Variants in SI observed in about 807,000 individuals in gnomAD.
SI encodes the protein sucrase-isomaltase, intestinal.
Under a neutral mutation model 253.3 loss-of-function variants are expected in SI, and 235 were observed. The ratio of observed to expected loss-of-function variants is 0.93; its 90% CI spans 0.83 to 1.03. SI has a LOEUF of 1.03. Ranked by LOEUF, SI falls within the 50% of genes least tolerant of loss-of-function variation. SI has a pLI of 0.00. For missense variants in SI, 2,442 were observed against 2,211.1 expected (o/e 1.10, Z -2.09); for synonymous variants, 819 against 712.0 (o/e 1.15, Z -2.39).
chr3:164,979,568 C>T (rs1717080126), intron 47 of SI, 138 bp from the exon 48 acceptor site: 1 of 547,352 alleles, frequency 1.8e-6, no homozygotes, highest in Non-Finnish European at 3.2e-6. Flanking sequence ...TTTTTACTCT[C>T]AGAAAGTTTG....
Position 165,057,702 on chromosome 3 carries a change from A to AC in SI, c.1398+1260_1398+1261insG, listed in dbSNP as rs1491565355. On this transcript the variant is annotated intron_variant, in intron 12 of 47. Transcript: ENST00000264382. ...ATGACATATTTAAAATGCTGTAGAG[A>AC]AAAAAAAAAAAAAAACTTTTATCTT... is the stretch of plus-strand genomic sequence containing the variant. 8.7e-3 allele frequency among the ~76,000 whole-genome samples: 1,122 copies of AC among 128,366 alleles called. 7 individuals carry two copies. The highest frequency in any genetic ancestry group is 0.013 in the African/African-American group (366 of 28,852). 84.2% of individuals were successfully genotyped at this position (128,366 alleles called of 152,430 possible).
chr3:165,026,064 C>T (rs1459686272), intron 25 of SI, among the ~76,000 whole-genome samples: 2 of 151,272 alleles, frequency 1.3e-5, no homozygotes, highest in East Asian at 3.9e-4. Context: ...TATTCACCAA[C>T]CAACTATCTG....
At position 165,059,799 on chromosome 3, in the gene SI, A is replaced by T; in HGVS notation, c.1146+103T>A. 2.6e-6 allele frequency: 3 copies of T among 1,173,510 alleles called. No homozygotes were observed. In the East Asian group the frequency reaches 7.1e-5, roughly 28 times the overall value. 72.7% of individuals were successfully genotyped at this position (1,173,510 alleles called of 1,614,324 possible). A position where few individuals can be genotyped will look rare whatever the true frequency, so the allele number is the denominator to read the frequency against. ...TAAAAGGCAGCCTCTTAATTATATG[A>T]TATAATGTATATAGTAGATACTCCT... On this transcript the variant is annotated intron_variant, in intron 10 of 47. Transcript: ENST00000264382.
chr3:165,011,297 G>T (rs1718756303), intron 34 of SI, among the ~76,000 whole-genome samples: 1 of 152,004 alleles, frequency 6.6e-6, no homozygotes, highest in Non-Finnish European at 1.5e-5. Context: ...GTTTTGCTAA[G>T]TTGTATTTTT....
Position 165,006,857 on chromosome 3 carries a change from A to G in SI, c.4365T>C (p.Val1455=), listed in dbSNP as rs190433181. ...SDGTSVLHYD[V]HNLYGWSQMK... ...TCTGTGACCATCCATAGAGATTGTG[A>G]ACATCGTAATGCAAAACTGATGTTC... The change falls in exon 37 of 48, where the codon GTT becomes GTC. Residue 1455 remains valine (V), a synonymous_variant. Transcript: ENST00000264382. The G allele has an allele frequency of 1.9e-6, 3 of 1,612,768 alleles. No individual in the cohort carries two copies. The highest frequency in any genetic ancestry group is 3.3e-5 in the Admixed American group (2 of 59,998).
At position 165,023,577 on chromosome 3, in the gene SI, T is replaced by C; in HGVS notation, c.3092A>G (p.Gln1031Arg). 6.2e-7 allele frequency: 1 copy of C among 1,609,700 alleles called. No homozygotes were observed. Among genetic ancestry groups the C allele is most frequent in the Non-Finnish European group, 8.5e-7 (1 of 1,176,924 alleles). ...EVKYHKNDML[Q>R]FKIYDPQKKR... is the part of the protein sequence containing the mutation. Reference sequence around the variant, plus strand: ...AGTTTATATCAAGCATACCTTAAACTGCAACATATCATTTTTGTGATATTT... The same window carrying C: ...AGTTTATATCAAGCATACCTTAAACCGCAACATATCATTTTTGTGATATTT... The change falls in exon 26 of 48, where the codon CAG becomes CGG. Residue 1031 changes from glutamine (Q) to arginine (R), a missense_variant. Physicochemically the swap from Gln to Arg is conservative, Grantham distance 43 (BLOSUM62 1). Transcript: ENST00000264382.
At chr3:165,076,399 C>T (rs1714975185) in intron 1 of SI, among the ~76,000 whole-genome samples, 1 of 140,886 alleles carries the variant, frequency 7.1e-6, no homozygotes, top group Non-Finnish European at 1.6e-5. Flanking sequence ...TTTCTCAATT[C>T]TCACAACAAT....
intron 32 of SI, 49 bp from the exon 33 acceptor site, chr3:165,015,282 C>T: frequency 7.9e-7 from 1 of 1,261,862 alleles, no homozygotes; most frequent in East Asian, 2.3e-5. Flanking sequence ...AAAAGCGTAA[C>T]TACTTGGACA....
upstream of SI, among the ~76,000 whole-genome samples, chr3:165,082,076 C>G (rs1253276502): frequency 1.3e-5 from 2 of 151,842 alleles, no homozygotes; most frequent in African/African-American, 4.8e-5. Flanking sequence ...CTAGATGTAA[C>G]GATTCTTAGA....
At chr3:164,982,772 C>T (rs1057236175) in intron 46 of SI, among the ~76,000 whole-genome samples, 2 of 152,038 alleles carry the variant, frequency 1.3e-5, no homozygotes, top group Admixed American at 1.3e-4. Flanking sequence ...ACCCTCTAGC[C>T]TCAGCCTCCT....
In SI at chr3:165,065,706, C is replaced by T. The variant is rs982979425; in HGVS notation, c.636-274G>A. ...TCAAAGCATAACTACCATTATCAAT[C>T]ACATTTCAAAGATGACACAAACTGG... On this transcript the variant is annotated intron_variant, in intron 6 of 47. Coordinates refer to ENST00000264382, the MANE Select transcript of SI (RefSeq NM_001041.4). Among the ~76,000 whole-genome samples the T allele has an allele frequency of 2.0e-5, 3 of 151,294 alleles. No individual in the cohort carries two copies. The Admixed American group carries it at 2.0e-4, about 10-fold the overall frequency.
chr3:165,065,160 T>A, intron 7 of SI, 101 bp downstream of exon 7: 1 of 758,968 alleles, frequency 1.3e-6, no homozygotes, highest in South Asian at 1.6e-5. Flanking sequence ...TTCAAATAGT[T>A]TAGTTGATCA....
chr3:165,089,834 G>A, the SI span, among the ~76,000 whole-genome samples: 1,220 of 150,454 alleles, frequency 8.1e-3, 15 homozygotes, highest in African/African-American at 0.028. Flanking sequence ...CGGCATGTAA[G>A]CATCTACACA....
intron 8 of SI, among the ~76,000 whole-genome samples, chr3:165,062,766 T>C (rs1714049009): frequency 6.6e-6 from 1 of 152,038 alleles, no homozygotes; most frequent in Admixed American, 6.6e-5. Context: ...AAAGGATTAG[T>C]TCTCTGGCGA....
Position 165,017,639 on chromosome 3 carries a change from G to T in SI, c.3668C>A (p.Ala1223Asp). ...ATAACGACATAATTGGAATCCCAAAGCCCAATAAGCTGGCATGACTGGATG... is the reference window on the plus strand; with the variant it reads ...ATAACGACATAATTGGAATCCCAAATCCCAATAAGCTGGCATGACTGGATG... The part of the protein sequence containing the change: ...IGHPVMPAYW[A>D]LGFQLCRYGY... The change falls in exon 31 of 48, where the codon GCT becomes GAT. Residue 1223 changes from alanine to aspartate, a missense_variant. By Grantham distance (126) the Ala-to-Asp change is moderately radical. Transcript: ENST00000264382. 2 of 1,612,574 alleles carry T rather than the reference G, an allele frequency of 1.2e-6. No homozygotes were observed. The highest frequency in any genetic ancestry group is 1.7e-4 in the Middle Eastern group (1 of 6,058).
chr3:165,043,173 A>C lies in SI; in HGVS notation c.1890T>G (p.Val630=). 7.5e-6 allele frequency: 12 copies of C among 1,593,652 alleles called. No individual in the cohort carries two copies. Among genetic ancestry groups the C allele is most frequent in the Non-Finnish European group, 1.0e-5 (12 of 1,162,690 alleles). Residue 630 remains valine (V), a splice_region_variant and synonymous_variant, in exon 17 of 48, where the codon GTT becomes GTG. Transcript: ENST00000264382. ...CCACAAATCCACAGATGTCTGCTCC[A>C]ACCTAAATAACAAATATATTTACTA... The part of the protein sequence containing the change: ...LEFSLFGIPL[V]GADICGFVAE...
chr3:164,992,766 G>A (rs895652976), intron 41 of SI, among the ~76,000 whole-genome samples: 2 of 151,788 alleles, frequency 1.3e-5, no homozygotes, highest in African/African-American at 4.8e-5. Flanking sequence ...AGAAAATTGT[G>A]AGACATACTG....
At chr3:165,043,207 G>T in intron 16 of SI, 32 bp from the exon 17 acceptor site, 1 of 1,447,742 alleles carries the variant, frequency 6.9e-7, no homozygotes, top group Non-Finnish European at 9.6e-7. Flanking sequence ...TATTTATAAT[G>T]TTAAGATTCT....
In SI at chr3:165,032,569, G is replaced by C. The variant is rs1712306273; in HGVS notation, c.2689C>G (p.Gln897Glu). 2.5e-6 allele frequency: 4 copies of C among 1,609,278 alleles called. No homozygotes were observed. In the South Asian group the frequency reaches 3.3e-5, roughly 13 times the overall value. Residue 897 changes from glutamine to glutamate, a missense_variant, in exon 24 of 48, where the codon CAA becomes GAA. Transcript: ENST00000264382. ...AAATTGGAATGAGCGTTCATTGGTT[G>C]ATTATTTTCCGCCACTCTAACTTCT... Reference protein sequence around the residue: ...VTEVRVAENNQPMNAHSNFTY... With the variant: ...VTEVRVAENNEPMNAHSNFTY...
Sources: allele counts gnomAD v4.1 joint callset (sites outside exome capture counted in the v4.1 genomes callset), GRCh38; gene constraint gnomAD v4.1.1; transcripts MANE v1.5; gene names NCBI Gene and HGNC (gene_info 2026-07-23, HGNC 2026-07-21).